Variants in LRP2 observed in about 807,000 individuals in gnomAD.
The protein encoded by LRP2 is low-density lipoprotein receptor-related protein 2.
A neutral mutation model predicts 531.0 loss-of-function variants in LRP2; 172 were observed. The ratio of observed to expected loss-of-function variants is 0.32; its 90% CI spans 0.29 to 0.37. The LOEUF is 0.37. Ranked by LOEUF, LRP2 falls within the 10% of genes least tolerant of loss-of-function variation. The pLI is 1.00. For synonymous variants in LRP2, 1,992 were observed against 2,027.6 expected (o/e 0.98, Z 0.47); for missense variants, 5,167 against 5,868.3 (o/e 0.88, Z 3.90).
Position 169,247,496 on chromosome 2 carries a change from G to A in LRP2, c.2790C>T (p.Asp930=). The change falls in exon 20 of 79, where the codon GAC becomes GAT. Residue 930 remains aspartate, a synonymous_variant. Transcript: ENST00000649046. ...AIFGEHLFFT[D]WRLGAIIRVR... ...CTCGAATAATGGCACCCAGTCTCCA[G>A]TCAGTAAAAAATAAATGCTCTGAAA... 1 of 1,614,104 alleles carries A rather than the reference G, an allele frequency of 6.2e-7. No individual in the cohort carries two copies. The highest frequency in any genetic ancestry group is 8.5e-7 in the Non-Finnish European group (1 of 1,180,016).
At position 169,352,191 on chromosome 2, in the gene LRP2, C is replaced by A. The variant is rs10199321; in HGVS notation, c.79+10130G>T. Among the ~76,000 whole-genome samples, 3 of 152,032 alleles carry A rather than the reference C, an allele frequency of 2.0e-5. No individual in the cohort carries two copies. In the East Asian group the frequency reaches 5.8e-4, roughly 29 times the overall value. On this transcript the variant is annotated intron_variant, in intron 1 of 78. Coordinates refer to ENST00000649046, the MANE Select transcript of LRP2 (RefSeq NM_004525.3). ...CAGTTATTTACCTCAATGAATCCAACGTTCTTAGGAGGGTCTGGGGGGAAC... is the reference window on the plus strand; with the variant it reads ...CAGTTATTTACCTCAATGAATCCAAAGTTCTTAGGAGGGTCTGGGGGGAAC...
At chr2:169,282,335 A>G (rs1420338241) in intron 10 of LRP2, among the ~76,000 whole-genome samples, 1 of 152,220 alleles carries the variant, frequency 6.6e-6, no homozygotes, top group Non-Finnish European at 1.5e-5. Context: ...GATTTTCTCC[A>G]TGACTTTTCT....
At chr2:169,150,398 G>A (rs375427032) in intron 68 of LRP2, among the ~76,000 whole-genome samples, 2 of 152,110 alleles carry the variant, frequency 1.3e-5, no homozygotes, top group Admixed American at 6.5e-5. Flanking sequence ...ACACTGAGAT[G>A]ATTTATAGAT....
chr2:169,318,697 C>T (rs1181573630), intron 3 of LRP2, 65 bp downstream of exon 3: 3 of 1,611,216 alleles, frequency 1.9e-6, no homozygotes, highest in African/African-American at 2.7e-5. Context: ...TGTGTAACTT[C>T]TTTGCGACAG....
rs1418112396 is a variant in LRP2 at position 169,259,017 on chromosome 2, A to G, written c.2513+8T>C. 1 of 1,612,992 alleles carries G rather than the reference A, an allele frequency of 6.2e-7. No homozygotes were observed. The highest frequency in any genetic ancestry group is 8.5e-7 in the Non-Finnish European group (1 of 1,179,268). On this transcript the variant is annotated splice_region_variant and intron_variant, in intron 17 of 78. Coordinates refer to ENST00000649046, the MANE Select transcript of LRP2 (RefSeq NM_004525.3). ...TTCAAGCTCTTAGGAAAACATGAAC[A>G]CACTTACCCGGCAAAAGGATGAACT...
At chr2:169,303,003 T>C (rs999542697) in intron 4 of LRP2, among the ~76,000 whole-genome samples, 26 of 152,182 alleles carry the variant, frequency 1.7e-4, no homozygotes, top group African/African-American at 5.5e-4. Flanking sequence ...TCAGTCCTTA[T>C]ATTTTAGAGA....
chr2:169,344,451 A>G (rs1455679851), intron 1 of LRP2, among the ~76,000 whole-genome samples: 2 of 152,216 alleles, frequency 1.3e-5, no homozygotes, highest in Non-Finnish European at 2.9e-5. Context: ...GTAAGCAGGG[A>G]AGAGAATTTT....
intron 58 of LRP2, among the ~76,000 whole-genome samples, chr2:169,170,914 T>C (rs901753572): frequency 8.0e-6 from 1 of 124,724 alleles, no homozygotes; most frequent in Non-Finnish European, 1.7e-5. Flanking sequence ...TCTTGCTCTC[T>C]CTCTCTGTTT....
intron 3 of LRP2, among the ~76,000 whole-genome samples, chr2:169,310,131 G>A (rs1684551396): frequency 2.6e-5 from 4 of 152,280 alleles, no homozygotes; most frequent in Admixed American, 6.5e-5. Flanking sequence ...GGGCTGAGAC[G>A]ATGGGGTTTT....
intron 3 of LRP2, 72 bp from the exon 4 acceptor site, chr2:169,307,469 A>G: frequency 1.1e-6 from 1 of 927,342 alleles, no homozygotes; most frequent in Non-Finnish European, 1.7e-6. Context: ...GTCATTAACA[A>G]GGATATTGGA....
intron 47 of LRP2, among the ~76,000 whole-genome samples, chr2:169,193,512 T>A: frequency 6.7e-6 from 1 of 148,188 alleles, no homozygotes; most frequent in African/African-American, 2.5e-5. Context: ...CCCCTAGAAA[T>A]GTAGGACATT....
chr2:169,257,355 GT>G, intron 17 of LRP2, 106 bp from the exon 18 acceptor site: 1 of 1,214,658 alleles, frequency 8.2e-7, no homozygotes. Flanking sequence ...AATTAATTTT[GT>G]TTTCTTTATA....
chr2:169,217,700 T>C (rs1009435185), intron 34 of LRP2, among the ~76,000 whole-genome samples: 1 of 152,150 alleles, frequency 6.6e-6, no homozygotes, highest in African/African-American at 2.4e-5. Context: ...AAGCTGAGGA[T>C]TCTCATCCCT....
rs1683979226 is a variant in LRP2 at position 169,290,787 on chromosome 2, T to A, written c.922+58A>T. 2.5e-6 allele frequency: 4 copies of A among 1,574,732 alleles called. No homozygotes were observed. The South Asian group carries it at 4.5e-5, about 18-fold the overall frequency. On this transcript the variant is annotated intron_variant, in intron 8 of 78. Transcript: ENST00000649046. ...CAGATACACTGTATTTGAACGTCTG[T>A]TCTAGAAAACAGAAATATCTTTATC...
intron 1 of LRP2, among the ~76,000 whole-genome samples, chr2:169,342,985 C>T (rs185412074): frequency 6.6e-6 from 1 of 152,256 alleles, no homozygotes; most frequent in East Asian, 1.9e-4. Flanking sequence ...CTGTCTAAAA[C>T]CTCTCACAAA....
intron 77 of LRP2, among the ~76,000 whole-genome samples, chr2:169,130,571 C>G (rs1260151246): frequency 1.3e-5 from 2 of 152,174 alleles, no homozygotes; most frequent in African/African-American, 4.8e-5. Context: ...CAGGTGTGAG[C>G]CACCGTGCCC....
Position 169,137,468 on chromosome 2 carries a change from C to G in LRP2, c.13544G>C (p.Gly4515Ala). The G allele has an allele frequency of 6.2e-7, 1 of 1,613,056 alleles. No homozygotes were observed. The highest frequency in any genetic ancestry group is 2.2e-5 in the East Asian group (1 of 44,874). Residue 4515 changes from glycine (G) to alanine (A), a missense_variant, in exon 76 of 79, where the codon GGG (glycine) becomes GCG (alanine). Coordinates refer to ENST00000649046, the MANE Select transcript of LRP2 (RefSeq NM_004525.3). Reference protein sequence around the residue: ...AMSEDFVMEMGKQPIIFENPM... With the variant: ...AMSEDFVMEMAKQPIIFENPM... The stretch of plus-strand genomic sequence containing the variant: ...GTTTTCAAATATTATGGGCTGCTTC[C>G]CCATTTCCATGACAAAGTCTTCACT...
chr2:169,308,635 G>T (rs1484978695), intron 3 of LRP2, among the ~76,000 whole-genome samples: 2 of 152,118 alleles, frequency 1.3e-5, no homozygotes, highest in Non-Finnish European at 2.9e-5. Flanking sequence ...ATGGACTTTT[G>T]GGTTGGTCCC....
intron 46 of LRP2, among the ~76,000 whole-genome samples, chr2:169,194,716 CTTTTTT>C: frequency 9.7e-6 from 1 of 103,024 alleles, no homozygotes; most frequent in Admixed American, 1.0e-4. Context: ...TTGATCCAGA[CTTTTTT>C]TTTTTTTTTT....
Sources: gnomAD v4.1 joint callset for allele counts (sites outside exome capture counted in the v4.1 genomes callset) on GRCh38, gnomAD v4.1.1 for gene constraint, MANE v1.5 for transcripts, NCBI Gene and HGNC (gene_info 2026-07-23, HGNC 2026-07-21) for gene names.